NEGR1: variants seen among roughly 807,000 people sequenced by gnomAD.
The protein encoded by NEGR1 is neuronal growth regulator 1.
A neutral mutation model predicts 40.9 loss-of-function variants in NEGR1; 10 were observed. The observed-to-expected ratio is 0.24, with a 90% CI of 0.15 to 0.42. The LOEUF is 0.42. Ranked by LOEUF, NEGR1 falls within the 10% of genes least tolerant of loss-of-function variation. The probability of loss-of-function intolerance (pLI) is 1.00; values close to 1 mark genes in which losing one functional copy is unlikely to be tolerated. For synonymous variants in NEGR1, 185 were observed against 166.8 expected (o/e 1.11, Z -0.84); for missense variants, 352 against 438.9 (o/e 0.80, Z 1.77).
At chr1:71,449,871 A>G (rs1646612610) in intron 6 of NEGR1, among the ~76,000 whole-genome samples, 1 of 152,110 alleles carries the variant, frequency 6.6e-6, no homozygotes, top group African/African-American at 2.4e-5. Flanking sequence ...CTGGATTTTT[A>G]TAATTTTTCT....
chr1:71,597,472 C>CTCTCTCTCTCTCTCTGTGTGTGTG (rs756076229), intron 5 of NEGR1, among the ~76,000 whole-genome samples: 1 of 31,332 alleles, frequency 3.2e-5, no homozygotes, highest in Non-Finnish European at 6.1e-5. Flanking sequence ...CTCTCTCTCT[C>CTCTCTCTCTCTCTCTGTGTGTGTG]TGTGTGTGTG....
At chr1:71,881,635 T>C (rs531337903) in intron 2 of NEGR1, among the ~76,000 whole-genome samples, 6 of 152,146 alleles carry the variant, frequency 3.9e-5, no homozygotes, top group African/African-American at 1.4e-4. Context: ...GACTGTTAAA[T>C]TTGAAGAAAA....
rs1553157758 is a variant in NEGR1, at chr1:71,675,112, CAT to C, written c.667+22894_667+22895del. ...GCAATATATAAAATGCATGTTTATTCATATATATATATATACACACACACATA... is the reference window on the plus strand; with the variant it reads ...GCAATATATAAAATGCATGTTTATTCATATATATATATACACACACACATA... On this transcript the variant is annotated intron_variant, in intron 4 of 6. Coordinates refer to ENST00000357731, the MANE Select transcript of NEGR1 (RefSeq NM_173808.3). Among the ~76,000 whole-genome samples, 12 of 45,204 alleles carry C rather than the reference CAT, an allele frequency of 2.7e-4. 1 individual carries two copies. The highest frequency in any genetic ancestry group is 1.3e-3 in the South Asian group (1 of 760). 29.7% of individuals were successfully genotyped at this position (45,204 alleles called of 152,430 possible). A position where few individuals can be genotyped will look rare whatever the true frequency, so the allele number is the denominator to read the frequency against.
At chr1:71,412,677 A>G (rs1646331037) in intron 6 of NEGR1, among the ~76,000 whole-genome samples, 1 of 152,176 alleles carries the variant, frequency 6.6e-6, no homozygotes, top group Admixed American at 6.5e-5. Context: ...GTGTAATGAA[A>G]TTGTTCTATT....
At chr1:71,411,384 C>T (rs1646320156) in intron 6 of NEGR1, among the ~76,000 whole-genome samples, 1 of 152,020 alleles carries the variant, frequency 6.6e-6, no homozygotes, top group African/African-American at 2.4e-5. Flanking sequence ...ACTCTTGCCA[C>T]AAAAGACAGT....
At chr1:71,865,466 T>C (rs902365559) in intron 2 of NEGR1, among the ~76,000 whole-genome samples, 2 of 152,118 alleles carry the variant, frequency 1.3e-5, no homozygotes, top group African/African-American at 4.8e-5. Context: ...ATCATCATTC[T>C]CAGCAAACTA....
intron 3 of NEGR1, among the ~76,000 whole-genome samples, chr1:71,722,518 A>C (rs1654543122): frequency 6.6e-6 from 1 of 152,094 alleles, no homozygotes; most frequent in Admixed American, 6.6e-5. Flanking sequence ...TCCTACAGTC[A>C]AAAATAAAGT....
chr1:71,498,643 G>A (rs923060505), intron 6 of NEGR1, among the ~76,000 whole-genome samples: 2 of 152,104 alleles, frequency 1.3e-5, no homozygotes, highest in East Asian at 1.9e-4. Flanking sequence ...TCATACAGCT[G>A]CTGTGACTAC....
chr1:72,023,661 C>CAACAAATAA (rs1388035216), intron 1 of NEGR1, among the ~76,000 whole-genome samples: 10 of 147,078 alleles, frequency 6.8e-5, no homozygotes, highest in African/African-American at 2.5e-4. Flanking sequence ...AAAAAAAAAA[C>CAACAAATAA]TTAACAAATA....
chr1:71,602,961 C>T (rs766349294), intron 5 of NEGR1, among the ~76,000 whole-genome samples: 2 of 152,064 alleles, frequency 1.3e-5, no homozygotes, highest in African/African-American at 4.8e-5. Flanking sequence ...TCGTCACAAA[C>T]GTGGTAAGAG....
chr1:71,715,194 T>C (rs1369540949), intron 3 of NEGR1, among the ~76,000 whole-genome samples: 1 of 152,080 alleles, frequency 6.6e-6, no homozygotes, highest in African/African-American at 2.4e-5. Flanking sequence ...TCCCTTTCAG[T>C]CGTGGCTGGG....
chr1:71,768,518 C>T (rs1656208073), intron 3 of NEGR1, among the ~76,000 whole-genome samples: 1 of 152,104 alleles, frequency 6.6e-6, no homozygotes, highest in East Asian at 1.9e-4. Context: ...TTGTATCTTG[C>T]AAGTAACTAA....
chr1:72,195,448 C>T (rs575092481), intron 1 of NEGR1, among the ~76,000 whole-genome samples: 6 of 151,742 alleles, frequency 4.0e-5, no homozygotes, highest in Non-Finnish European at 7.4e-5. Context: ...ATTATTCTTC[C>T]GAAATGTAAT....
chr1:71,808,601 A>C (rs1657866445), intron 2 of NEGR1, among the ~76,000 whole-genome samples: 1 of 152,148 alleles, frequency 6.6e-6, no homozygotes, highest in Admixed American at 6.6e-5. Context: ...GCATGATTTT[A>C]GAATAAACAA....
intron 4 of NEGR1, among the ~76,000 whole-genome samples, chr1:71,643,610 C>T (rs1303806523): frequency 6.6e-6 from 1 of 151,978 alleles, no homozygotes; most frequent in African/African-American, 2.4e-5. Flanking sequence ...AAGGATATTG[C>T]TATTCTTAAA....
chr1:71,719,726 A>C (rs1654436619), intron 3 of NEGR1, among the ~76,000 whole-genome samples: 1 of 151,958 alleles, frequency 6.6e-6, no homozygotes, highest in African/African-American at 2.4e-5. Context: ...TGCTACACCC[A>C]TCAACTCGTC....
intron 2 of NEGR1, among the ~76,000 whole-genome samples, chr1:71,839,943 C>A (rs141008969): frequency 6.6e-6 from 1 of 152,196 alleles, no homozygotes; most frequent in Non-Finnish European, 1.5e-5. Flanking sequence ...TTCTTAGTGG[C>A]GATTTCTTCT....
At chr1:72,136,717 C>A (rs562989547) in intron 1 of NEGR1, among the ~76,000 whole-genome samples, 4 of 148,458 alleles carry the variant, frequency 2.7e-5, no homozygotes, top group Admixed American at 1.3e-4. Flanking sequence ...ATACCAAAAG[C>A]AATGGCAACA....
At chr1:71,731,897 G>A (rs907398075) in intron 3 of NEGR1, among the ~76,000 whole-genome samples, 1 of 152,142 alleles carries the variant, frequency 6.6e-6, no homozygotes, top group Non-Finnish European at 1.5e-5. Flanking sequence ...TGAACAAAGG[G>A]GAGAGTCAAT....
Sources: allele counts gnomAD v4.1 joint callset (sites outside exome capture counted in the v4.1 genomes callset), GRCh38; gene constraint gnomAD v4.1.1; transcripts MANE v1.5; gene names NCBI Gene and HGNC (gene_info 2026-07-23, HGNC 2026-07-21).